Variants in TASOR observed in about 807,000 individuals in gnomAD.
The protein encoded by TASOR is transcription activation suppressor, also known as protein TASOR.
A neutral mutation model predicts 178.6 loss-of-function variants in TASOR; 53 were observed. That is an observed-to-expected ratio of 0.30 (90% CI 0.24 to 0.37). TASOR has a LOEUF of 0.37. Ranked by LOEUF, TASOR falls within the 10% of genes least tolerant of loss-of-function variation. The probability of loss-of-function intolerance (pLI) is 1.00; values close to 1 mark genes in which losing one functional copy is unlikely to be tolerated. For missense variants in TASOR, 1,815 were observed against 1,971.4 expected, an observed-to-expected ratio of 0.92 and a Z score of 1.50; for synonymous variants, 713 against 696.2, an observed-to-expected ratio of 1.02 and a Z score of -0.38.
rs1458762191 is a variant in TASOR at position 56,649,018 on chromosome 3, G to A, written c.1408C>T (p.Leu470Phe). 6.8e-6 allele frequency: 11 copies of A among 1,608,134 alleles called. No homozygotes were observed. Among genetic ancestry groups the A allele is most frequent in the Admixed American group, 3.4e-5 (2 of 58,832 alleles). The change falls in exon 12 of 24, where the codon CTT (leucine) becomes TTT (phenylalanine). Residue 470 changes from leucine (L) to phenylalanine (F), a missense_variant. This residue lies in a region of TASOR where 504 missense variants were observed against 645.3 expected (regional missense o/e 0.78). Transcript: ENST00000683822. ...KPLGDRGYLF[L>F]LSPYQMVPPY... is the part of the protein sequence containing the mutation. ...GGAACCATCTGATAAGGGGAGAGAA[G>A]AAAAAGGTATCCTCGGTCTCCCAAA... is the stretch of plus-strand genomic sequence containing the variant.
intron 11 of TASOR, among the ~76,000 whole-genome samples, chr3:56,660,498 A>G (rs2077571441): frequency 6.6e-6 from 1 of 151,756 alleles, no homozygotes; most frequent in Non-Finnish European, 1.5e-5. Flanking sequence ...TCAAAAAAAA[A>G]AAAAAAAAAA....
rs555605021 is a variant in TASOR, at chr3:56,621,993, A to C, written c.*1044T>G. 1 of 154,460 alleles carries C rather than the reference A, an allele frequency of 6.5e-6. No homozygotes were observed. The highest frequency in any genetic ancestry group is 2.4e-5 in the African/African-American group (1 of 41,596). The allele number at this position is 154,460 out of a possible 1,614,324, so 9.6% of individuals were successfully genotyped here. ...GAAATACCACTCATGCATTTGTTCT[A>C]AAGTGCCAAAGTTCTGTCTAACTTA... is the stretch of plus-strand genomic sequence containing the variant. On this transcript the variant is annotated 3_prime_UTR_variant, in exon 24 of 24. Coordinates refer to ENST00000683822, the MANE Select transcript of TASOR (RefSeq NM_001365635.2).
chr3:56,665,757 G>A (rs1011346285), intron 7 of TASOR, among the ~76,000 whole-genome samples: 2 of 152,072 alleles, frequency 1.3e-5, no homozygotes, highest in African/African-American at 4.8e-5. Flanking sequence ...AGATCCCGAG[G>A]TCAGGAGATC....
At chr3:56,642,715 C>G (rs1160337914) in intron 14 of TASOR, among the ~76,000 whole-genome samples, 1 of 152,132 alleles carries the variant, frequency 6.6e-6, no homozygotes. Flanking sequence ...TGGCTCATGC[C>G]TATAATCCCA....
At chr3:56,636,392 G>T (rs6445807) in intron 17 of TASOR, among the ~76,000 whole-genome samples, 56,928 of 151,066 alleles carry the variant, frequency 0.38, 11,200 homozygotes, top group East Asian at 0.52. Flanking sequence ...TTTGTTGTTG[G>T]TGGTGGTGGT....
At chr3:56,673,823 G>A (rs2030991258) in intron 1 of TASOR, 98 bp from the exon 2 acceptor site, 2 of 999,386 alleles carry the variant, frequency 2.0e-6, no homozygotes, top group South Asian at 4.0e-5. Context: ...TAAATACCAT[G>A]AAAAAAGGCA....
intron 16 of TASOR, among the ~76,000 whole-genome samples, chr3:56,639,279 G>A (rs759038345): frequency 1.9e-4 from 29 of 151,044 alleles, no homozygotes; most frequent in Admixed American, 8.6e-4. Context: ...GTGTAGGACT[G>A]GAAAAGACGT....
intron 4 of TASOR, 26 bp from the exon 5 acceptor site, chr3:56,669,817 A>G (rs1393941300): frequency 6.9e-7 from 1 of 1,453,168 alleles, no homozygotes; most frequent in African/African-American, 1.4e-5. Context: ...AAATTAAGGA[A>G]ACTGATTATA....
intron 11 of TASOR, among the ~76,000 whole-genome samples, chr3:56,653,765 AGTATCCCT>A (rs1416209978): frequency 3.9e-5 from 6 of 152,204 alleles, no homozygotes; most frequent in African/African-American, 1.4e-4. Context: ...AAAAGACAAA[AGTATCCCT>A]GTTTCCCTAT....
chr3:56,649,030 C>T lies in TASOR; in HGVS notation c.1396G>A (p.Gly466Arg). ...TAAGGGGAGAGAAGAAAAAGGTATC[C>T]TCGGTCTCCCAAAGGTTTAACAAGA... ...LVLVKPLGDRGYLFLLSPYQM... is the reference protein window; with the variant it reads ...LVLVKPLGDRRYLFLLSPYQM... Residue 466 changes from glycine to arginine, a missense_variant, in exon 12 of 24, where the codon GGA (glycine) becomes AGA (arginine). Physicochemically the swap from Gly to Arg is moderately radical, Grantham distance 125. Around this residue, in one of 5 missense-constraint regions of TASOR, gnomAD observed 504 missense variants for 645.3 expected, o/e 0.78. Coordinates refer to ENST00000683822, the MANE Select transcript of TASOR (RefSeq NM_001365635.2). The T allele has an allele frequency of 6.2e-7, 1 of 1,608,970 alleles. No individual in the cohort carries two copies. The highest frequency in any genetic ancestry group is 8.5e-7 in the Non-Finnish European group (1 of 1,178,490).
chr3:56,631,926 C>A (rs902458439), intron 18 of TASOR, among the ~76,000 whole-genome samples: 2 of 152,126 alleles, frequency 1.3e-5, no homozygotes, highest in African/African-American at 4.8e-5. Context: ...TATTAGTCTG[C>A]AGCTTCGGTA....
rs1248982789 is a variant in TASOR, at chr3:56,648,882, C to A, written c.1453G>T (p.Ala485Ser). 6 of 1,611,338 alleles carry A rather than the reference C, an allele frequency of 3.7e-6. No homozygotes were observed. Among genetic ancestry groups the A allele is most frequent in the Non-Finnish European group, 5.1e-6 (6 of 1,179,034 alleles). ...AAAGCATGTAGGACTCGAGACTTGG[C>A]AGTCTGATATTCTAAAAAACAGAAG... ...QMVPPYEYQTAKSRVLHALFL... is the reference protein window; with the variant it reads ...QMVPPYEYQTSKSRVLHALFL... The change falls in exon 13 of 24, where the codon GCC becomes TCC. Residue 485 changes from alanine (A) to serine (S), a missense_variant. By Grantham distance (99) the Ala-to-Ser change is moderately conservative. Coordinates refer to ENST00000683822, the MANE Select transcript of TASOR (RefSeq NM_001365635.2).
At position 56,633,315 on chromosome 3, in the gene TASOR, A is replaced by T; in HGVS notation, c.3476T>A (p.Val1159Glu). Residue 1159 changes from valine to glutamate, a missense_variant, in exon 18 of 24, where the codon GTA becomes GAA. Val to Glu is a moderately radical substitution (Grantham distance 121, BLOSUM62 -2). Coordinates refer to ENST00000683822, the MANE Select transcript of TASOR (RefSeq NM_001365635.2). Reference protein sequence around the residue: ...EQHSTSALTEVEMNQPQHATE... With the variant: ...EQHSTSALTEEEMNQPQHATE... ...GGCATGTTGAGGCTGGTTCATTTCT[A>T]CTTCAGTTAAAGCCGAAGTGGAATG... The T allele has an allele frequency of 3.1e-6, 5 of 1,614,076 alleles. No individual in the cohort carries two copies. Among genetic ancestry groups the T allele is most frequent in the Non-Finnish European group, 4.2e-6 (5 of 1,180,016 alleles).
At chr3:56,627,179 A>G (rs2076817122) in intron 20 of TASOR, 34 bp from the exon 21 acceptor site, 3 of 1,196,520 alleles carry the variant, frequency 2.5e-6, no homozygotes, top group South Asian at 1.3e-5. Flanking sequence ...TTTTAATTCA[A>G]TAAATAATCA....
chr3:56,671,496 C>A, intron 3 of TASOR, 104 bp downstream of exon 3: 2 of 773,470 alleles, frequency 2.6e-6, no homozygotes, highest in Non-Finnish European at 4.0e-6. Context: ...ACTTATATAT[C>A]AAAAAAGTCT....
chr3:56,627,226 AT>A, intron 20 of TASOR, 81 bp from the exon 21 acceptor site: 1 of 850,390 alleles, frequency 1.2e-6, no homozygotes, highest in Non-Finnish European at 1.9e-6. Context: ...GTTTTTTCAT[AT>A]TATGTAGAAA....
chr3:56,678,177 A>ATTTTTT lies in TASOR; in HGVS notation c.332-4458_332-4453dup, dbSNP rs533306611. ...TAGTATCATACAAAACACACTTATG[A>ATTTTTT]TTTTTTTTTTTTTTTTTTTTTTGAG... On this transcript the variant is annotated intron_variant, in intron 1 of 23. Coordinates refer to ENST00000683822, the MANE Select transcript of TASOR (RefSeq NM_001365635.2). Among the ~76,000 whole-genome samples the ATTTTTT allele has an allele frequency of 2.7e-3, 292 of 106,948 alleles. 9 individuals are homozygous for ATTTTTT. The highest frequency in any genetic ancestry group is 9.7e-3 in the East Asian group (33 of 3,386). 70.2% of individuals were successfully genotyped at this position (106,948 alleles called of 152,430 possible). A position where few individuals can be genotyped will look rare whatever the true frequency, so the allele number is the denominator to read the frequency against.
chr3:56,646,434 T>C, intron 14 of TASOR, 88 bp downstream of exon 14: 1 of 1,100,580 alleles, frequency 9.1e-7, no homozygotes. Flanking sequence ...AATTTGACCC[T>C]CAGGCTTTAA....
intron 1 of TASOR, among the ~76,000 whole-genome samples, chr3:56,678,642 GT>G (rs1373374120): frequency 6.6e-6 from 1 of 152,044 alleles, no homozygotes; most frequent in African/African-American, 2.4e-5. Flanking sequence ...ATGTATACAT[GT>G]ATCACAAAAA....
Sources: gnomAD v4.1 joint callset for allele counts (sites outside exome capture counted in the v4.1 genomes callset) on GRCh38, gnomAD v4.1.1 for gene constraint, gnomAD v4.1.1 regional missense constraint, MANE v1.5 for transcripts, NCBI Gene and HGNC (gene_info 2026-07-23, HGNC 2026-07-21) for gene names.